Variants in FAR2 observed in about 807,000 individuals in gnomAD.
FAR2 encodes the protein fatty acyl-CoA reductase 2.
In FAR2, 19 loss-of-function variants were observed where a neutral mutation model predicts 56.0. That is an observed-to-expected ratio of 0.34 (90% CI 0.24 to 0.50). FAR2 has a LOEUF of 0.50. Ranked by LOEUF, FAR2 falls within the 20% of genes least tolerant of loss-of-function variation. The pLI is 0.98. For synonymous variants in FAR2, 219 were observed against 218.8 expected (o/e 1.00, Z -0.01); for missense variants, 508 against 642.2 (o/e 0.79, Z 2.26).
intron 1 of FAR2, among the ~76,000 whole-genome samples, chr12:29,262,301 T>C (rs1174147877): frequency 6.6e-6 from 1 of 151,958 alleles, no homozygotes; most frequent in Non-Finnish European, 1.5e-5. Context: ...TAACTGCAAA[T>C]TGAAAAACAT....
chr12:29,310,952 GT>G, intron 6 of FAR2, 75 bp from the exon 7 acceptor site: 1 of 1,083,048 alleles, frequency 9.2e-7, no homozygotes, highest in Non-Finnish European at 1.4e-6. Context: ...AGTATAACCA[GT>G]TTGATGATAC....
chr12:29,186,123 C>T (rs1001014088), intron 1 of FAR2, among the ~76,000 whole-genome samples: 8 of 152,152 alleles, frequency 5.3e-5, no homozygotes, highest in Non-Finnish European at 1.0e-4. Flanking sequence ...TCTACATAAA[C>T]CTTTATCATT....
intron 1 of FAR2, among the ~76,000 whole-genome samples, chr12:29,182,688 C>T (rs754410678): frequency 4.6e-5 from 7 of 152,252 alleles, no homozygotes; most frequent in Admixed American, 6.5e-5. Context: ...TCATATCTTT[C>T]TACTAGTTTA....
chr12:29,193,145 C>A lies in FAR2; in HGVS notation c.-39+43738C>A, dbSNP rs1388527051. On this transcript the variant is annotated intron_variant, in intron 1 of 11. Coordinates refer to ENST00000536681, the MANE Select transcript of FAR2 (RefSeq NM_001271783.2). ...AATTAAATGGAAAGTTCAGCGAGTTCCCATATCCCCTGTGCCCCTACACAT... is the reference window on the plus strand; with the variant it reads ...AATTAAATGGAAAGTTCAGCGAGTTACCATATCCCCTGTGCCCCTACACAT... Among the ~76,000 whole-genome samples, 6 of 151,972 alleles carry A rather than the reference C, an allele frequency of 3.9e-5. 1 individual carries two copies.
At chr12:29,235,248 TG>T (rs1441982883) in intron 1 of FAR2, among the ~76,000 whole-genome samples, 25 of 152,166 alleles carry the variant, frequency 1.6e-4, no homozygotes, top group African/African-American at 4.8e-4. Flanking sequence ...ATAGAAAAAC[TG>T]GGTATGATTA....
At chr12:29,242,179 C>T (rs1223868682) in intron 1 of FAR2, among the ~76,000 whole-genome samples, 1 of 152,176 alleles carries the variant, frequency 6.6e-6, no homozygotes, top group Non-Finnish European at 1.5e-5. Context: ...AGGCCTTTCC[C>T]TTGGCTTCAC....
At chr12:29,291,129 C>A (rs558182276) in intron 2 of FAR2, among the ~76,000 whole-genome samples, 2 of 151,926 alleles carry the variant, frequency 1.3e-5, no homozygotes, top group African/African-American at 4.8e-5. Flanking sequence ...CTACTATGTA[C>A]CCACAGAAAT....
chr12:29,293,544 T>TA (rs10679359), intron 3 of FAR2, 69 bp downstream of exon 3: 518,251 of 1,138,578 alleles, frequency 0.46, 96,457 homozygotes, highest in African/African-American at 0.59. Flanking sequence ...ATAGTTTCTG[T>TA]AAAAAAAAAG....
chr12:29,315,325 A>G (rs1591962317), intron 8 of FAR2, among the ~76,000 whole-genome samples: 2 of 152,146 alleles, frequency 1.3e-5, no homozygotes, highest in Admixed American at 1.3e-4. Context: ...AGAAGCACTG[A>G]GGGGGAGGAT....
intron 11 of FAR2, 110 bp from the exon 12 acceptor site, chr12:29,333,522 C>A: frequency 1.0e-6 from 1 of 968,142 alleles, no homozygotes; most frequent in Non-Finnish European, 1.5e-6. Context: ...ATACTCTGAG[C>A]ACTTCATAAA....
At chr12:29,192,905 A>G (rs1271248975) in intron 1 of FAR2, among the ~76,000 whole-genome samples, 1 of 152,178 alleles carries the variant, frequency 6.6e-6, no homozygotes, top group Non-Finnish European at 1.5e-5. Context: ...CTTTAGTGAC[A>G]ATTTTTGTAT....
chr12:29,154,401 T>C (rs895250376), intron 1 of FAR2, among the ~76,000 whole-genome samples: 2 of 150,582 alleles, frequency 1.3e-5, no homozygotes, highest in African/African-American at 5.0e-5. Context: ...TAACCAGTTG[T>C]GGTTTTGTTT....
intron 1 of FAR2, among the ~76,000 whole-genome samples, chr12:29,177,393 T>C (rs1453664048): frequency 6.6e-6 from 1 of 152,174 alleles, no homozygotes; most frequent in Non-Finnish European, 1.5e-5. Flanking sequence ...CTTCTATTTG[T>C]GTTTTTACTA....
chr12:29,244,947 A>G (rs1458770906), intron 1 of FAR2, among the ~76,000 whole-genome samples: 2 of 151,412 alleles, frequency 1.3e-5, no homozygotes, highest in African/African-American at 2.4e-5. Context: ...TTCCAGCCTC[A>G]TTGACTCAAC....
chr12:29,212,606 G>A (rs1947564383), intron 1 of FAR2, among the ~76,000 whole-genome samples: 1 of 152,126 alleles, frequency 6.6e-6, no homozygotes, highest in Non-Finnish European at 1.5e-5. Context: ...CAGGTCCCCA[G>A]ACCTGAGTTT....
intron 10 of FAR2, among the ~76,000 whole-genome samples, chr12:29,330,712 G>T (rs1949719079): frequency 1.3e-5 from 2 of 152,120 alleles, no homozygotes; most frequent in South Asian, 2.1e-4. Flanking sequence ...TGCAATTTAT[G>T]AATTAAACCC....
intron 1 of FAR2, among the ~76,000 whole-genome samples, chr12:29,186,937 C>T (rs1001172766): frequency 6.6e-6 from 1 of 152,010 alleles, no homozygotes; most frequent in African/African-American, 2.4e-5. Context: ...TACAGGCGCC[C>T]GCCACCACAA....
intron 1 of FAR2, among the ~76,000 whole-genome samples, chr12:29,225,112 C>T (rs1320802693): frequency 3.9e-5 from 6 of 152,002 alleles, no homozygotes; most frequent in South Asian, 2.1e-4. Flanking sequence ...GGTGCACTCT[C>T]GTAGTCCTAG....
At chr12:29,182,607 G>A (rs941899787) in intron 1 of FAR2, among the ~76,000 whole-genome samples, 1 of 152,162 alleles carries the variant, frequency 6.6e-6, no homozygotes, top group Non-Finnish European at 1.5e-5. Flanking sequence ...CAGAAGTCCA[G>A]CTGGCTTCAC....
Sources: gnomAD v4.1 joint callset for allele counts (sites outside exome capture counted in the v4.1 genomes callset) on GRCh38, gnomAD v4.1.1 for gene constraint, MANE v1.5 for transcripts, NCBI Gene and HGNC (gene_info 2026-07-23, HGNC 2026-07-21) for gene names.